The following CNTN4 variants were observed in gnomAD, a reference collection of about 807,000 sequenced individuals.
The protein encoded by CNTN4 is contactin-4.
Under a neutral mutation model 122.5 loss-of-function variants are expected in CNTN4, and 77 were observed. The ratio of observed to expected loss-of-function variants is 0.63; its 90% CI spans 0.52 to 0.76. The LOEUF is 0.76. Among genes scored for constraint, CNTN4 ranks in the 30% least tolerant of loss-of-function variants. The pLI is 0.00. For missense variants in CNTN4, 1,256 were observed against 1,259.1 expected (o/e 1.00, Z 0.04); for synonymous variants, 512 against 447.0 (o/e 1.15, Z -1.83).
intron 2 of CNTN4, among the ~76,000 whole-genome samples, chr3:2,109,630 A>C (rs1284940158): frequency 2.0e-5 from 3 of 152,216 alleles, no homozygotes; most frequent in South Asian, 4.1e-4. Context: ...AATCAAACAA[A>C]ACAATGATAT....
intron 7 of CNTN4, among the ~76,000 whole-genome samples, chr3:2,864,996 G>A (rs936797798): frequency 3.9e-5 from 6 of 151,988 alleles, no homozygotes; most frequent in African/African-American, 7.3e-5. Context: ...ACTGCATTGC[G>A]ATGCTGTTTG....
intron 13 of CNTN4, among the ~76,000 whole-genome samples, chr3:2,968,398 C>T (rs1484135646): frequency 6.6e-6 from 1 of 152,172 alleles, no homozygotes; most frequent in Non-Finnish European, 1.5e-5. Context: ...ACTATAGCTA[C>T]ACAGACAAAG....
At chr3:2,604,499 A>G (rs1401700834) in intron 4 of CNTN4, among the ~76,000 whole-genome samples, 2 of 152,174 alleles carry the variant, frequency 1.3e-5, no homozygotes, top group African/African-American at 4.8e-5. Context: ...TATCTATGTA[A>G]TATTTCAGTT....
At chr3:2,985,056 G>C (rs1403288224) in intron 13 of CNTN4, among the ~76,000 whole-genome samples, 2 of 152,222 alleles carry the variant, frequency 1.3e-5, no homozygotes, top group Admixed American at 6.5e-5. Flanking sequence ...ATGCGTAGCT[G>C]TGATGTGAAT....
intron 7 of CNTN4, among the ~76,000 whole-genome samples, chr3:2,821,461 A>G (rs2092870811): frequency 6.6e-6 from 1 of 152,212 alleles, no homozygotes; most frequent in Non-Finnish European, 1.5e-5. Flanking sequence ...GTTTTTGTCC[A>G]TTTCAATTTA....
chr3:2,279,941 G>T (rs2041655300), intron 2 of CNTN4, among the ~76,000 whole-genome samples: 1 of 151,094 alleles, frequency 6.6e-6, no homozygotes, highest in South Asian at 2.1e-4. Context: ...GATATATCTT[G>T]CTCTAGATAT....
At chr3:2,191,795 A>T (rs758100702) in intron 2 of CNTN4, among the ~76,000 whole-genome samples, 10 of 152,040 alleles carry the variant, frequency 6.6e-5, no homozygotes, top group Non-Finnish European at 1.3e-4. Context: ...TTTGTTACAT[A>T]TGTATGCATG....
intron 4 of CNTN4, among the ~76,000 whole-genome samples, chr3:2,646,250 A>C (rs1019666088): frequency 7.9e-5 from 12 of 152,232 alleles, no homozygotes; most frequent in Admixed American, 7.8e-4. Flanking sequence ...AAACATATAT[A>C]AACACTATCA....
At chr3:2,334,784 A>G (rs927280843) in intron 2 of CNTN4, among the ~76,000 whole-genome samples, 5 of 152,126 alleles carry the variant, frequency 3.3e-5, no homozygotes, top group Non-Finnish European at 7.4e-5. Flanking sequence ...GTTATATGCT[A>G]TGTCTGTGAG....
At chr3:2,502,107 C>T (rs1414983659) in intron 3 of CNTN4, among the ~76,000 whole-genome samples, 3 of 152,022 alleles carry the variant, frequency 2.0e-5, no homozygotes, top group African/African-American at 7.2e-5. Context: ...AAATTTGAAA[C>T]ACCTCTGGCC....
chr3:2,518,029 C>A (rs1235930993), intron 3 of CNTN4, among the ~76,000 whole-genome samples: 2 of 152,272 alleles, frequency 1.3e-5, no homozygotes, highest in South Asian at 2.1e-4. Context: ...CCTCTCCCTG[C>A]AGGAATCCAC....
intron 17 of CNTN4, among the ~76,000 whole-genome samples, chr3:3,036,324 A>G (rs990725128): frequency 6.6e-6 from 1 of 152,158 alleles, no homozygotes; most frequent in Non-Finnish European, 1.5e-5. Context: ...TTCTGTAATC[A>G]CTGAGTCACA....
intron 7 of CNTN4, among the ~76,000 whole-genome samples, chr3:2,861,635 C>T (rs146490846): frequency 1.3e-5 from 2 of 152,278 alleles, no homozygotes; most frequent in East Asian, 3.9e-4. Context: ...GACTACCATT[C>T]ATGTCTCCTG....
intron 4 of CNTN4, among the ~76,000 whole-genome samples, chr3:2,641,436 T>G (rs559442681): frequency 1.6e-4 from 24 of 152,282 alleles, no homozygotes; most frequent in African/African-American, 5.3e-4. Context: ...ATTATTTTAT[T>G]CCTCATAACT....
chr3:2,290,132 A>G (rs2042078920), intron 2 of CNTN4, among the ~76,000 whole-genome samples: 1 of 152,178 alleles, frequency 6.6e-6, no homozygotes, highest in Non-Finnish European at 1.5e-5. Flanking sequence ...GTGGGAAAAA[A>G]TGAAACAACA....
chr3:2,259,035 G>T (rs1010212871), intron 2 of CNTN4, among the ~76,000 whole-genome samples: 11 of 151,754 alleles, frequency 7.2e-5, no homozygotes, highest in Middle Eastern at 3.5e-3. Flanking sequence ...ACATACAGAG[G>T]TTAAATAATG....
chr3:2,660,116 T>G (rs1316590203), intron 4 of CNTN4, among the ~76,000 whole-genome samples: 1 of 152,160 alleles, frequency 6.6e-6, no homozygotes, highest in Non-Finnish European at 1.5e-5. Context: ...ATAATCTATG[T>G]GAGGAGTGAC....
intron 12 of CNTN4, among the ~76,000 whole-genome samples, chr3:2,909,667 A>G (rs1305722347): frequency 3.9e-5 from 6 of 152,168 alleles, no homozygotes; most frequent in South Asian, 2.1e-4. Flanking sequence ...TTTGAGAACT[A>G]TTGCTTTAAT....
rs1230141420 is a variant in CNTN4 at position 2,214,803 on chromosome 3, A to T, written c.-145+114164A>T. Among the ~76,000 whole-genome samples the T allele has an allele frequency of 2.6e-5, 4 of 152,204 alleles. No individual in the cohort carries two copies. The East Asian group carries it at 7.7e-4, about 29-fold the overall frequency. ...TACATTAAAAAAAATCTCAGTGAGT[A>T]TACTCTTTAGCATTGTTAAATATAA... On this transcript the variant is annotated intron_variant, in intron 2 of 24. Transcript: ENST00000418658.
Sources: allele counts gnomAD v4.1 joint callset (sites outside exome capture counted in the v4.1 genomes callset), GRCh38; gene constraint gnomAD v4.1.1; transcripts MANE v1.5; gene names NCBI Gene and HGNC (gene_info 2026-07-23, HGNC 2026-07-21).